The following OPHN1 variants were observed in gnomAD, a reference collection of about 807,000 sequenced individuals.
OPHN1 encodes the protein oligophrenin-1.
In OPHN1, 11 loss-of-function variants were observed where a neutral mutation model predicts 60.7. That is an observed-to-expected ratio of 0.18 (90% CI 0.11 to 0.30). The LOEUF is 0.30. OPHN1 is among the 10% of genes least tolerant of loss of function. OPHN1 has a pLI of 1.00. For synonymous variants in OPHN1, 226 were observed against 222.6 expected, an observed-to-expected ratio of 1.02 and a Z score of -0.14; for missense variants, 449 against 611.0, an observed-to-expected ratio of 0.73 and a Z score of 2.80.
At chrX:68,429,891 CA>C (rs2078877366) in intron 2 of OPHN1, among the ~76,000 whole-genome samples, 1 of 110,889 alleles carries the variant, frequency 9.0e-6, no homozygotes. Context: ...AAAAACTAGC[CA>C]GATCTGGTGG....
At chrX:68,286,728 C>T (rs997027350) in intron 3 of OPHN1, among the ~76,000 whole-genome samples, 9 of 111,757 alleles carry the variant, frequency 8.1e-5, no homozygotes, top group African/African-American at 2.0e-4. Context: ...TTAGAAAATG[C>T]CCTAGGGGCA....
At chrX:68,151,501 A>T (rs1482551063) in intron 15 of OPHN1, among the ~76,000 whole-genome samples, 1 of 111,746 alleles carries the variant, frequency 8.9e-6, no homozygotes, top group East Asian at 2.8e-4. Context: ...GTAACATTCA[A>T]CCTGTTATGA....
At chrX:68,058,123 A>G (rs1448388640) in intron 21 of OPHN1, among the ~76,000 whole-genome samples, 1 of 111,360 alleles carries the variant, frequency 9.0e-6, no homozygotes, top group Non-Finnish European at 1.9e-5. Flanking sequence ...CTGTTTTTGA[A>G]GTACTCTACA....
intron 2 of OPHN1, among the ~76,000 whole-genome samples, chrX:68,371,807 C>T (rs183629108): frequency 2.4e-4 from 27 of 112,454 alleles, no homozygotes; most frequent in Non-Finnish European, 4.3e-4. Flanking sequence ...TGCAGTGGCG[C>T]GATCTCGGCT....
intron 2 of OPHN1, among the ~76,000 whole-genome samples, chrX:68,370,944 G>A (rs948199151): frequency 1.2e-4 from 13 of 111,496 alleles, no homozygotes; most frequent in South Asian, 3.8e-4. Context: ...GGCAGTAATC[G>A]AGAAAATGAG....
In OPHN1 at chrX:68,380,784, G is replaced by T. The variant is rs900703465; in HGVS notation, c.154+52083C>A. On this transcript the variant is annotated intron_variant, in intron 2 of 24. Coordinates refer to ENST00000355520, the MANE Select transcript of OPHN1 (RefSeq NM_002547.3). ...CTGAGTTCTAGTTTGATTGCACTGT[G>T]GTCTGAGAGACAGTTTGTTATAATT... Among the ~76,000 whole-genome samples the T allele has an allele frequency of 3.6e-5, 4 of 111,578 alleles. No homozygotes were observed. The South Asian group carries it at 1.5e-3, about 42-fold the overall frequency.
At chrX:68,056,045 A>T (rs1032667943) in intron 21 of OPHN1, among the ~76,000 whole-genome samples, 1 of 111,253 alleles carries the variant, frequency 9.0e-6, no homozygotes, top group Non-Finnish European at 1.9e-5. Flanking sequence ...TGGCACATAT[A>T]TACATATGTA....
At chrX:68,205,373 G>A (rs1411015401) in intron 10 of OPHN1, among the ~76,000 whole-genome samples, 6 of 110,978 alleles carry the variant, frequency 5.4e-5, no homozygotes, top group Non-Finnish European at 7.5e-5. Context: ...GCTTGAACCC[G>A]GGAGGTGGAG....
At chrX:68,073,617 T>C (rs1252797873) in intron 19 of OPHN1, among the ~76,000 whole-genome samples, 1 of 112,030 alleles carries the variant, frequency 8.9e-6, no homozygotes, top group Non-Finnish European at 1.9e-5. Flanking sequence ...TCTCTGAGCC[T>C]TGGCTTTCTC....
At chrX:68,317,587 A>G (rs867417525) in intron 2 of OPHN1, among the ~76,000 whole-genome samples, 5 of 93,880 alleles carry the variant, frequency 5.3e-5, no homozygotes, top group African/African-American at 2.4e-4. Flanking sequence ...GAAAGAAAGA[A>G]AGAGAGAGAA....
Position 68,279,283 on chromosome X carries a change from G to A in OPHN1, c.312+3773C>T, listed in dbSNP as rs139921607. ...GCACGATAACGCCCAGCTAATTTTTGTATTTTTAGTAGAGACGGGATTTCA... is the reference window on the plus strand; with the variant it reads ...GCACGATAACGCCCAGCTAATTTTTATATTTTTAGTAGAGACGGGATTTCA... On this transcript the variant is annotated intron_variant, in intron 4 of 24. Coordinates refer to ENST00000355520, the MANE Select transcript of OPHN1 (RefSeq NM_002547.3). Among the ~76,000 whole-genome samples the A allele has an allele frequency of 6.0e-3, 628 of 105,377 alleles. 6 individuals carry two copies. The highest frequency in any genetic ancestry group is 7.8e-3 in the South Asian group (17 of 2,173). The allele number at this position is 105,377 out of a possible 115,157, so 91.5% of individuals were successfully genotyped here. A position where few individuals can be genotyped will look rare whatever the true frequency, so the allele number is the denominator to read the frequency against.
chrX:68,113,878 T>C (rs1170649339), intron 16 of OPHN1, among the ~76,000 whole-genome samples: 1 of 102,504 alleles, frequency 9.8e-6, no homozygotes, highest in African/African-American at 3.5e-5. Context: ...GACGAGTTAA[T>C]GGGTGCAGCA....
chrX:68,176,490 C>T (rs1471653889), intron 15 of OPHN1, among the ~76,000 whole-genome samples: 1 of 111,647 alleles, frequency 9.0e-6, no homozygotes, highest in Non-Finnish European at 1.9e-5. Flanking sequence ...ACCTCACACC[C>T]ATTAGAATGG....
intron 13 of OPHN1, 66 bp downstream of exon 13, chrX:68,194,399 T>A: frequency 1.1e-6 from 1 of 878,282 alleles, no homozygotes. Context: ...TTAATGATGG[T>A]ATTTACTATG....
At chrX:68,273,754 G>A (rs1343509324) in intron 5 of OPHN1, among the ~76,000 whole-genome samples, 1 of 111,899 alleles carries the variant, frequency 8.9e-6, no homozygotes, top group Non-Finnish European at 1.9e-5. Flanking sequence ...AAGACCTTTA[G>A]GTCTAAATCC....
At chrX:68,145,623 G>A (rs1033457846) in intron 15 of OPHN1, among the ~76,000 whole-genome samples, 1 of 111,752 alleles carries the variant, frequency 8.9e-6, no homozygotes, top group African/African-American at 3.2e-5. Context: ...ATTAAATACT[G>A]TAATCAATTC....
chrX:68,384,765 G>T lies in OPHN1; in HGVS notation c.154+48102C>A, dbSNP rs748314649. Among the ~76,000 whole-genome samples the T allele has an allele frequency of 1.6e-3, 181 of 111,046 alleles. 2 individuals are homozygous for T. Among genetic ancestry groups the T allele is most frequent in the African/African-American group, 5.6e-3 (172 of 30,549 alleles). On this transcript the variant is annotated intron_variant, in intron 2 of 24. Coordinates refer to ENST00000355520, the MANE Select transcript of OPHN1 (RefSeq NM_002547.3). ...AGAATATTGTCTTTTGCAGCAACTT[G>T]GACAGAGTTAGAGGCCATTATTCTA... is the stretch of plus-strand genomic sequence containing the variant.
intron 19 of OPHN1, among the ~76,000 whole-genome samples, chrX:68,079,818 A>C (rs754109050): frequency 1.8e-5 from 2 of 111,960 alleles, no homozygotes; most frequent in Non-Finnish European, 3.8e-5. Flanking sequence ...GCCAATGTCC[A>C]AGCCACAAAT....
At chrX:68,104,968 C>A (rs973247275) in intron 18 of OPHN1, among the ~76,000 whole-genome samples, 3 of 111,630 alleles carry the variant, frequency 2.7e-5, no homozygotes, top group Admixed American at 9.5e-5. Flanking sequence ...AAGAAAAAAA[C>A]AAACAACCCC....
Sources: gnomAD v4.1 joint callset for allele counts (sites outside exome capture counted in the v4.1 genomes callset) on GRCh38, gnomAD v4.1.1 for gene constraint, MANE v1.5 for transcripts, NCBI Gene and HGNC (gene_info 2026-07-23, HGNC 2026-07-21) for gene names.